The following DCLRE1C variants were observed in gnomAD, a reference collection of about 807,000 sequenced individuals.
The protein encoded by DCLRE1C is protein artemis.
Under a neutral mutation model 61.4 loss-of-function variants are expected in DCLRE1C, and 47 were observed. The observed-to-expected ratio is 0.77, with a 90% CI of 0.61 to 0.98. The LOEUF (loss-of-function observed/expected upper bound fraction) is 0.98, where lower values mean the gene tolerates loss of function less well. Ranked by LOEUF, DCLRE1C falls within the 50% of genes least tolerant of loss-of-function variation. DCLRE1C has a pLI of 0.00. For missense variants in DCLRE1C, 858 were observed against 816.0 expected (o/e 1.05, Z -0.63); for synonymous variants, 337 against 287.6 (o/e 1.17, Z -1.74).
At position 14,938,720 on chromosome 10, in the gene DCLRE1C, G is replaced by T. The variant is rs1468830421; in HGVS notation, c.306+1090C>A. Among the ~76,000 whole-genome samples, 8 of 152,060 alleles carry T rather than the reference G, an allele frequency of 5.3e-5. No homozygotes were observed. In the South Asian group the frequency reaches 1.7e-3, roughly 32 times the overall value. On this transcript the variant is annotated intron_variant, in intron 4 of 13. Coordinates refer to ENST00000378278, the MANE Select transcript of DCLRE1C (RefSeq NM_001033855.3). ...GGCAGAGCCCCTTTTCTGAATAAGG[G>T]TTCAGAAAAAAAGTACAATATTCAT... is the stretch of plus-strand genomic sequence containing the variant.
chr10:14,931,036 T>C (rs1589038517), intron 9 of DCLRE1C, among the ~76,000 whole-genome samples: 1 of 152,174 alleles, frequency 6.6e-6, no homozygotes, highest in East Asian at 1.9e-4. Context: ...ATTACTACAA[T>C]AATAGTGATC....
rs1836798477 is a variant in DCLRE1C at position 14,919,792 on chromosome 10, T to C, written c.1102A>G (p.Lys368Glu). 6.2e-7 allele frequency: 1 copy of C among 1,614,112 alleles called. No individual in the cohort carries two copies. Among genetic ancestry groups the C allele is most frequent in the African/African-American group, 1.3e-5 (1 of 75,052 alleles). ...LCRSSQSTEP[K>E]YKPLGKLKRA... ...TTCAGTTTTCCCAGTGGTTTATACTTTGGCTCCGTACTTTGGGAAGACCGG... is the reference window on the plus strand; with the variant it reads ...TTCAGTTTTCCCAGTGGTTTATACTCTGGCTCCGTACTTTGGGAAGACCGG... The change falls in exon 13 of 14, where the codon AAG (lysine) becomes GAG (glutamate). Residue 368 changes from lysine to glutamate, a missense_variant. Physicochemically the swap from Lys to Glu is moderately conservative, Grantham distance 56. Transcript: ENST00000378278.
At chr10:14,929,606 C>T (rs961916859) in intron 9 of DCLRE1C, among the ~76,000 whole-genome samples, 2 of 151,988 alleles carry the variant, frequency 1.3e-5, no homozygotes, top group Non-Finnish European at 2.9e-5. Flanking sequence ...TGCACCACTG[C>T]ACTCCAGCCT....
At chr10:14,904,411 G>C (rs1162130404), downstream of DCLRE1C, 2 of 136,812 alleles carry the variant, frequency 1.5e-5, no homozygotes, top group Non-Finnish European at 3.0e-5. Context: ...GTCACATAGT[G>C]TCAGTGTTAA....
intron 11 of DCLRE1C, among the ~76,000 whole-genome samples, chr10:14,925,385 C>T (rs1000950627): frequency 4.6e-5 from 7 of 152,116 alleles, no homozygotes; most frequent in African/African-American, 1.7e-4. Flanking sequence ...CAAATGCCTG[C>T]CTTAAAATAA....
intron 1 of DCLRE1C, among the ~76,000 whole-genome samples, chr10:14,951,298 G>C (rs1842414160): frequency 6.6e-6 from 1 of 150,566 alleles, no homozygotes; most frequent in Non-Finnish European, 1.5e-5. Flanking sequence ...GCTGAGGTGG[G>C]AGGATTGGTT....
At chr10:14,945,318 A>T in intron 2 of DCLRE1C, 129 bp from the exon 3 acceptor site, 2 of 1,394,016 alleles carry the variant, frequency 1.4e-6, no homozygotes, top group Non-Finnish European at 1.9e-6. Context: ...GTGAAACCCC[A>T]TCCCTAATAA....
At chr10:14,938,321 G>A (rs1403486921) in intron 4 of DCLRE1C, among the ~76,000 whole-genome samples, 1 of 151,728 alleles carries the variant, frequency 6.6e-6, no homozygotes, top group Non-Finnish European at 1.5e-5. Context: ...CAGAGTCCAG[G>A]ATGGCATTTA....
intron 1 of DCLRE1C, among the ~76,000 whole-genome samples, chr10:14,952,444 T>G (rs1842586980): frequency 1.3e-5 from 2 of 152,182 alleles, no homozygotes; most frequent in South Asian, 4.1e-4. Flanking sequence ...AAAAATTACC[T>G]GGGTGTGGTG....
Position 14,908,924 on chromosome 10 carries a change from A to G in DCLRE1C, c.1563T>C (p.Leu521=), listed in dbSNP as rs766778472. The change falls in exon 14 of 14, where the codon CTT becomes CTC. Residue 521 remains leucine (L), a synonymous_variant. Transcript: ENST00000378278. ...TTGATTCTCCATCAGAGTCACTGAA[A>G]AGCTTTGGTGACTGAGATCCCCCTG... ...TVAGGSQSPK[L]FSDSDGESTH... 4 of 1,614,086 alleles carry G rather than the reference A, an allele frequency of 2.5e-6. No individual in the cohort carries two copies. The highest frequency in any genetic ancestry group is 3.4e-6 in the Non-Finnish European group (4 of 1,180,054).
chr10:14,910,000 G>C (rs1405135541), intron 13 of DCLRE1C, among the ~76,000 whole-genome samples: 3 of 152,188 alleles, frequency 2.0e-5, no homozygotes, highest in African/African-American at 7.2e-5. Flanking sequence ...TTCCCATCTT[G>C]TAACAGTATC....
chr10:14,940,497 GC>G (rs1840697799), intron 3 of DCLRE1C, among the ~76,000 whole-genome samples: 1 of 151,894 alleles, frequency 6.6e-6, no homozygotes, highest in South Asian at 2.1e-4. Context: ...TGACATGTTG[GC>G]CAGGCTGGTC....
Position 14,905,909 on chromosome 10 carries a change from G to C in DCLRE1C, c.*2499C>G, listed in dbSNP as rs554800885. 6.6e-6 allele frequency among the ~76,000 whole-genome samples: 1 copy of C among 152,304 alleles called. No homozygotes were observed. Among genetic ancestry groups the C allele is most frequent in the Non-Finnish European group, 1.5e-5 (1 of 68,020 alleles). ...AGGCAGGAAAATCACTTGAACCCTG[G>C]AGGCTGAGGTTGCAGTGAGCTGAGA... On this transcript the variant is annotated 3_prime_UTR_variant, in exon 14 of 14. Transcript: ENST00000378278.
chr10:14,929,700 A>G (rs192201759), intron 9 of DCLRE1C, among the ~76,000 whole-genome samples: 145 of 152,324 alleles, frequency 9.5e-4, no homozygotes, highest in African/African-American at 2.2e-3. Flanking sequence ...GAAAAAAACT[A>G]ACAAATACAA....
In DCLRE1C at chr10:14,953,984, G is replaced by A. The variant is rs756715291; in HGVS notation, c.27C>T (p.Ala9=). The A allele has an allele frequency of 3.1e-6, 5 of 1,613,998 alleles. No individual in the cohort carries two copies. The highest frequency in any genetic ancestry group is 3.4e-6 in the Non-Finnish European group (4 of 1,179,922). Residue 9 remains alanine (A), a synonymous_variant, in exon 1 of 14, where the codon GCC becomes GCT. Transcript: ENST00000378278. ...GGTCTATGGAGATAGTTGGATACTC[G>A]GCCATCTGCCCCTCGAAAGAACTCA... is the stretch of plus-strand genomic sequence containing the variant. MSSFEGQM[A]EYPTISIDRF...
chr10:14,927,547 C>G (rs934371617), intron 10 of DCLRE1C, among the ~76,000 whole-genome samples: 1 of 123,498 alleles, frequency 8.1e-6, no homozygotes. Flanking sequence ...TCCTCTTAGC[C>G]AAGCACTCAG....
At chr10:14,943,307 ATTTTGTCAAT>A (rs1841171993) in intron 3 of DCLRE1C, among the ~76,000 whole-genome samples, 1 of 151,968 alleles carries the variant, frequency 6.6e-6, no homozygotes. Flanking sequence ...GCTGGATGCT[ATTTTGTCAAT>A]TGCACATACG....
chr10:14,930,936 T>C (rs1838885021), intron 9 of DCLRE1C, among the ~76,000 whole-genome samples: 1 of 152,198 alleles, frequency 6.6e-6, no homozygotes, highest in Non-Finnish European at 1.5e-5. Context: ...CAGGAAAACA[T>C]TCCATGCTGT....
chr10:14,950,507 TCAC>T (rs1485566526), intron 1 of DCLRE1C, among the ~76,000 whole-genome samples: 2 of 152,100 alleles, frequency 1.3e-5, no homozygotes, highest in African/African-American at 2.4e-5. Flanking sequence ...AGCAGAGCAG[TCAC>T]CACATGTCAC....
Sources: gnomAD v4.1 joint callset for allele counts (sites outside exome capture counted in the v4.1 genomes callset) on GRCh38, gnomAD v4.1.1 for gene constraint, MANE v1.5 for transcripts, NCBI Gene and HGNC (gene_info 2026-07-23, HGNC 2026-07-21) for gene names.